Variants in CC2D1A observed in about 807,000 individuals in gnomAD.
CC2D1A encodes coiled-coil and C2 domain containing 1A.
In CC2D1A, 68 loss-of-function variants were observed where a neutral mutation model predicts 123.8. The observed-to-expected ratio is 0.55, with a 90% CI of 0.45 to 0.67. The LOEUF is 0.67. Ranked by LOEUF, CC2D1A falls within the 30% of genes least tolerant of loss-of-function variation. The pLI is 0.00. For synonymous variants in CC2D1A, 477 were observed against 528.0 expected (o/e 0.90, Z 1.32); for missense variants, 1,185 against 1,290.3 (o/e 0.92, Z 1.25).
rs572249177 is a variant in CC2D1A, at chr19:13,914,369, CTG to C, written c.748+733_748+734del. Among the ~76,000 whole-genome samples the C allele has an allele frequency of 2.7e-3, 406 of 149,888 alleles. 2 individuals are homozygous for C. The highest frequency in any genetic ancestry group is 9.5e-3 in the African/African-American group (385 of 40,702). On this transcript the variant is annotated intron_variant, in intron 6 of 28. Transcript: ENST00000318003. ...TTTTTTTTTGAGTCGGAGTCTCGCT[CTG>C]TCACCCAGGCTGGAGTGCAGTGGTG... is the stretch of plus-strand genomic sequence containing the variant.
Position 13,929,398 on chromosome 19 carries a change from A to T in CC2D1A, c.2539A>T (p.Ser847Cys). The T allele has an allele frequency of 6.2e-7, 1 of 1,613,402 alleles. No individual in the cohort carries two copies. Among genetic ancestry groups the T allele is most frequent in the East Asian group, 2.2e-5 (1 of 44,774 alleles). ...CCTTAGATCAGCCCGGCCCCTGCAT[A>T]GCCTCAGTGTGCTGGCGTTTGACCA... ...SGNRSARPLHSLSVLAFDQER... is the reference protein window; with the variant it reads ...SGNRSARPLHCLSVLAFDQER... Residue 847 changes from serine (S) to cysteine (C), a missense_variant, in exon 25 of 29, where the codon AGC (serine) becomes TGC (cysteine). Coordinates refer to ENST00000318003, the MANE Select transcript of CC2D1A (RefSeq NM_017721.5).
intron 22 of CC2D1A, 65 bp downstream of exon 22, chr19:13,927,330 C>G: frequency 7.3e-7 from 1 of 1,366,878 alleles, no homozygotes; most frequent in Non-Finnish European, 1.0e-6. Context: ...ATTATTAAAA[C>G]ACTTCCTGCC....
At chr19:13,911,978 G>C (rs192960784) in intron 2 of CC2D1A, among the ~76,000 whole-genome samples, 7 of 152,236 alleles carry the variant, frequency 4.6e-5, no homozygotes, top group Admixed American at 4.6e-4. Flanking sequence ...GCCTCCCAAA[G>C]TGCTGGGGTT....
intron 17 of CC2D1A, 65 bp from the exon 18 acceptor site, chr19:13,926,452 G>T: frequency 2.0e-6 from 3 of 1,474,592 alleles, no homozygotes; most frequent in South Asian, 2.3e-5. Flanking sequence ...GAAGGCAGGC[G>T]GGCAGTGGGA....
rs771935649 is a variant in CC2D1A, at chr19:13,913,545, G to T, written c.655G>T (p.Ala219Ser). The change falls in exon 6 of 29, where the codon GCG (alanine) becomes TCG (serine). Residue 219 changes from alanine to serine, a missense_variant. Coordinates refer to ENST00000318003, the MANE Select transcript of CC2D1A (RefSeq NM_017721.5). ...PAPTQPAPRI[A>S]SAPEPRVTLE... is the part of the protein sequence containing the mutation. ...ACCCACCCAGCCGGCCCCTAGAATCGCGTCAGCCCCAGAGCCCAGGGTCAC... is the reference window on the plus strand; with the variant it reads ...ACCCACCCAGCCGGCCCCTAGAATCTCGTCAGCCCCAGAGCCCAGGGTCAC... 1 of 1,614,116 alleles carries T rather than the reference G, an allele frequency of 6.2e-7. No individual in the cohort carries two copies. The highest frequency in any genetic ancestry group is 2.2e-5 in the East Asian group (1 of 44,882).
At position 13,913,443 on chromosome 19, in the gene CC2D1A, G is replaced by T; in HGVS notation, c.553G>T (p.Ala185Ser). The part of the protein sequence containing the change: ...NLLASIRKGN[A>S]IDEADIPPPV... ...GCTCGCCTCCATCCGTAAGGGCAAT[G>T]CCATTGACGAAGCGGACATCCCGCC... The change falls in exon 6 of 29, where the codon GCC becomes TCC. Residue 185 changes from alanine to serine, a missense_variant. Transcript: ENST00000318003. 6.2e-7 allele frequency: 1 copy of T among 1,614,204 alleles called. No homozygotes were observed.
At position 13,926,700 on chromosome 19, in the gene CC2D1A, G is replaced by C; in HGVS notation, c.2048G>C (p.Arg683Pro). 6.2e-7 allele frequency: 1 copy of C among 1,614,158 alleles called. No individual in the cohort carries two copies. Among genetic ancestry groups the C allele is most frequent in the Non-Finnish European group, 8.5e-7 (1 of 1,180,028 alleles). Residue 683 changes from arginine (R) to proline (P), a missense_variant, in exon 19 of 29, where the codon CGG becomes CCG. By Grantham distance (103) the Arg-to-Pro change is moderately radical. Transcript: ENST00000318003. The part of the protein sequence containing the change: ...LSPGDLDVFV[R>P]FDFPYPNVEE... The stretch of plus-strand genomic sequence containing the variant: ...CCTGGCGATCTGGATGTCTTTGTTC[G>C]GTTTGACTTCCCCTATCCCAACGTG...
intron 4 of CC2D1A, 87 bp from the exon 5 acceptor site, chr19:13,913,081 C>A (rs1971060332): frequency 1.4e-6 from 2 of 1,381,216 alleles, no homozygotes; most frequent in South Asian, 3.0e-5. Context: ...CCAGGGATGA[C>A]ATGGGGCCGA....
chr19:13,920,193 G>A (rs979323747), intron 12 of CC2D1A: 4 of 513,578 alleles, frequency 7.8e-6, no homozygotes, highest in African/African-American at 2.0e-5. Flanking sequence ...CAAGGCTGCA[G>A]TGAGCCATGG....
chr19:13,910,829 T>G (rs1384278914), intron 2 of CC2D1A, among the ~76,000 whole-genome samples: 1 of 152,028 alleles, frequency 6.6e-6, no homozygotes, highest in Non-Finnish European at 1.5e-5. Context: ...GAGAATCGCT[T>G]GAATCCAGGA....
At position 13,929,639 on chromosome 19, in the gene CC2D1A, G is replaced by A. The variant is rs1284507858; in HGVS notation, c.2689G>A (p.Gly897Arg). ...SQWQRAQLEQ[G>R]GVGIRREYAA... ...GTGGCAGAGGGCACAGCTGGAGCAG[G>A]GGGGTGTGGGCATCCGACGGGGTAG... The change falls in exon 26 of 29, where the codon GGG becomes AGG. Residue 897 changes from glycine (G) to arginine (R), a missense_variant. Transcript: ENST00000318003. The A allele has an allele frequency of 2.6e-6, 4 of 1,567,380 alleles. No homozygotes were observed. The highest frequency in any genetic ancestry group is 1.1e-5 in the South Asian group (1 of 87,140).
At chr19:13,921,210 G>A (rs1343736346) in intron 14 of CC2D1A, among the ~76,000 whole-genome samples, 1 of 152,232 alleles carries the variant, frequency 6.6e-6, no homozygotes, top group East Asian at 1.9e-4. Context: ...GATCCAAGTG[G>A]ATCCTGTCAG....
intron 12 of CC2D1A, chr19:13,920,300 G>A (rs965099841): frequency 3.9e-5 from 21 of 534,446 alleles, no homozygotes; most frequent in East Asian, 2.3e-4. Flanking sequence ...TGCTTGAACC[G>A]GGAGGCAGAG....
chr19:13,920,978 C>T (rs1971395221), intron 14 of CC2D1A, 56 bp downstream of exon 14: 4 of 1,498,400 alleles, frequency 2.7e-6, no homozygotes, highest in Non-Finnish European at 3.6e-6. Context: ...AGGCTCCTGC[C>T]CCTTAGCAGC....
chr19:13,914,077 C>G (rs1971116322), intron 6 of CC2D1A, among the ~76,000 whole-genome samples: 1 of 151,730 alleles, frequency 6.6e-6, no homozygotes, highest in Non-Finnish European at 1.5e-5. Context: ...GGGGTTTCAC[C>G]TTGTTGGCCA....
Position 13,918,182 on chromosome 19 carries a change from C to A in CC2D1A, c.861C>A (p.Phe287Leu), listed in dbSNP as rs565950139. 3 of 1,594,758 alleles carry A rather than the reference C, an allele frequency of 1.9e-6. No individual in the cohort carries two copies. Among genetic ancestry groups the A allele is most frequent in the Admixed American group, 1.8e-5 (1 of 56,320 alleles). Residue 287 changes from phenylalanine to leucine, a missense_variant, in exon 7 of 29, where the codon TTC becomes TTA. Physicochemically the swap from Phe to Leu is conservative, Grantham distance 22. Coordinates refer to ENST00000318003, the MANE Select transcript of CC2D1A (RefSeq NM_017721.5). ...ATACCACTGCTGCCGCTAGACACTT[C>A]CGCGTGGCTAAGGTGCGTCCAGCCT... ...QGDTTAAARH[F>L]RVAKSFDAVL...
Position 13,923,299 on chromosome 19 carries a change from T to G in CC2D1A, c.1642-34T>G. 1 of 1,584,060 alleles carries G rather than the reference T, an allele frequency of 6.3e-7. No individual in the cohort carries two copies. Among genetic ancestry groups the G allele is most frequent in the Non-Finnish European group, 8.5e-7 (1 of 1,171,748 alleles). The stretch of plus-strand genomic sequence containing the variant: ...GAGCCCTAGGTGGGCCTGCTTGTCC[T>G]CCTTACCCCCGCCACCAGCCTCGTC... On this transcript the variant is annotated intron_variant, in intron 14 of 28. Coordinates refer to ENST00000318003, the MANE Select transcript of CC2D1A (RefSeq NM_017721.5). This position sits in a 1 kb window ranked among gnomAD's most constrained non-coding sequence, Gnocchi z 5.3.
At chr19:13,918,247 C>A in intron 7 of CC2D1A, 53 bp downstream of exon 7, 1 of 1,475,264 alleles carries the variant, frequency 6.8e-7, no homozygotes, top group Admixed American at 2.7e-5. Context: ...ATGCTTCCCA[C>A]GTGGCCTGGT....
chr19:13,927,034 G>A lies in CC2D1A; in HGVS notation c.2182G>A (p.Ala728Thr). The change falls in exon 21 of 29, where the codon GCC (alanine) becomes ACC (threonine). Residue 728 changes from alanine (A) to threonine (T), a missense_variant. Ala to Thr is a moderately conservative substitution (Grantham distance 58). Transcript: ENST00000318003. Reference sequence around the variant, plus strand: ...CCGCAGCCACCGTGGCTTCCGAAGGGCCATCCAGACCAAGGGCATCAAGTT... The same window carrying A: ...CCGCAGCCACCGTGGCTTCCGAAGGACCATCCAGACCAAGGGCATCAAGTT... ...INRSHRGFRR[A>T]IQTKGIKFEV... The A allele has an allele frequency of 6.2e-7, 1 of 1,614,070 alleles. No individual in the cohort carries two copies. Among genetic ancestry groups the A allele is most frequent in the South Asian group, 1.1e-5 (1 of 91,080 alleles).
Sources: allele counts gnomAD v4.1 joint callset (sites outside exome capture counted in the v4.1 genomes callset), GRCh38; gene constraint gnomAD v4.1.1; non-coding constraint Gnocchi (gnomAD v3.1); transcripts MANE v1.5; gene names NCBI Gene and HGNC (gene_info 2026-07-23, HGNC 2026-07-21).